ELK1: variants seen among roughly 807,000 people sequenced by gnomAD.
ELK1 encodes the protein ETS domain-containing protein Elk-1.
For synonymous variants in ELK1, 163 were observed against 176.3 expected, an observed-to-expected ratio of 0.92 and a Z score of 0.60; for missense variants, 254 against 381.5, an observed-to-expected ratio of 0.67 and a Z score of 2.78.
At chrX:47,637,612 C>T in intron 5 of ELK1, 139 bp downstream of exon 5, 2 of 807,836 alleles carry the variant, frequency 2.5e-6, no homozygotes, top group Non-Finnish European at 1.7e-6. Context: ...CAGCATCAGC[C>T]CAGTCAATCA....
rs768238348 is a variant in ELK1, at chrX:47,641,468, A to C, written c.-27T>G. Reference sequence around the variant, plus strand: ...GCTGGGGGAGTGCTCACGCCATCCCAGGGGTACCTGGAGAGCAAACAGCTG... The same window carrying C: ...GCTGGGGGAGTGCTCACGCCATCCCCGGGGTACCTGGAGAGCAAACAGCTG... On this transcript the variant is annotated 5_prime_UTR_variant, in exon 3 of 7. Coordinates refer to ENST00000376983, the MANE Select transcript of ELK1 (RefSeq NM_001114123.3). 28 of 1,190,987 alleles carry C rather than the reference A, an allele frequency of 2.4e-5. No homozygotes were observed. Among genetic ancestry groups the C allele is most frequent in the Non-Finnish European group, 3.1e-5 (27 of 883,387 alleles).
intron 2 of ELK1, chrX:47,649,225 G>A (rs1372799729): frequency 1.8e-5 from 2 of 111,334 alleles, no homozygotes; most frequent in African/African-American, 6.5e-5. Context: ...CATCACTGGC[G>A]CTAATGTATT....
intron 2 of ELK1, among the ~76,000 whole-genome samples, chrX:47,648,097 AAG>A (rs912812383): frequency 7.2e-5 from 8 of 111,501 alleles, no homozygotes; most frequent in African/African-American, 2.3e-4. Flanking sequence ...CTGTGCCTTT[AAG>A]AGAGTGTATT....
At chrX:47,643,145 A>T (rs764518405) in intron 2 of ELK1, among the ~76,000 whole-genome samples, 1 of 108,143 alleles carries the variant, frequency 9.2e-6, no homozygotes, top group Admixed American at 9.8e-5. Context: ...CTGTTCTTGA[A>T]CTCCTGGGCT....
At chrX:47,649,667 T>C (rs1202800722) in intron 2 of ELK1, among the ~76,000 whole-genome samples, 3 of 109,637 alleles carry the variant, frequency 2.7e-5, no homozygotes, top group African/African-American at 6.7e-5. Context: ...CTACTGAAAA[T>C]AGGGAGATGT....
chrX:47,636,338 T>C lies in ELK1; in HGVS notation c.*491A>G, dbSNP rs1428152272. 2 of 113,018 alleles carry C rather than the reference T, an allele frequency of 1.8e-5. No individual in the cohort carries two copies. The highest frequency in any genetic ancestry group is 3.7e-5 in the Non-Finnish European group (2 of 53,948). 9.3% of individuals were successfully genotyped at this position (113,018 alleles called of 1,213,427 possible). ...CTGGACCCCTGAGTATGGCCAGGAA[T>C]AATAAAACAAAACAAACTAACTCTT... is the stretch of plus-strand genomic sequence containing the variant. On this transcript the variant is annotated 3_prime_UTR_variant, in exon 7 of 7. Transcript: ENST00000376983.
chrX:47,639,086 G>A lies in ELK1; in HGVS notation c.463C>T (p.Arg155Cys), dbSNP rs2058020026. ...LARSSRNEYM[R>C]SGLYSTFTIQ... ...GTGAAGGTGGAATAGAGGCCCGAGC[G>A]CATGTACTCGTTCCGGCTGCTGCGT... Residue 155 changes from arginine to cysteine, a missense_variant, in exon 4 of 7, where the codon CGC becomes TGC. Transcript: ENST00000376983. The A allele has an allele frequency of 8.3e-7, 1 of 1,200,939 alleles. No individual in the cohort carries two copies. Among genetic ancestry groups the A allele is most frequent in the South Asian group, 1.8e-5 (1 of 55,349 alleles).
intron 4 of ELK1, among the ~76,000 whole-genome samples, chrX:47,638,670 T>C (rs1335322042): frequency 8.9e-6 from 1 of 111,965 alleles, no homozygotes; most frequent in African/African-American, 3.2e-5. Flanking sequence ...GGCACCTACA[T>C]GTTCGGCAGC....
chrX:47,650,543 G>T lies in ELK1; in HGVS notation c.-261C>A, dbSNP rs764284823. Reference sequence around the variant, plus strand: ...AGGCGGCGGTGGAGGTGGTGGTGGCGGTGGCGGCGGCAGCACCTAGAAGCC... The same window carrying T: ...AGGCGGCGGTGGAGGTGGTGGTGGCTGTGGCGGCGGCAGCACCTAGAAGCC... On this transcript the variant is annotated 5_prime_UTR_variant, in exon 1 of 7. Transcript: ENST00000376983. 3 of 323,064 alleles carry T rather than the reference G, an allele frequency of 9.3e-6. No individual in the cohort carries two copies. Among genetic ancestry groups the T allele is most frequent in the African/African-American group, 8.4e-5 (3 of 35,662 alleles). The allele number at this position is 323,064 out of a possible 1,213,427, so 26.6% of individuals were successfully genotyped here. A position where few individuals can be genotyped will look rare whatever the true frequency, so the allele number is the denominator to read the frequency against.
At chrX:47,638,864 T>A (rs757097255) in intron 4 of ELK1, 31 bp downstream of exon 4, 98 of 1,178,602 alleles carry the variant, frequency 8.3e-5, no homozygotes, top group Non-Finnish European at 1.0e-4. Flanking sequence ...TACTGCCTCC[T>A]CTTACTGAAT....
chrX:47,641,197 G>C (rs990487508), intron 3 of ELK1, 35 bp downstream of exon 3: 1 of 1,144,263 alleles, frequency 8.7e-7, no homozygotes, highest in East Asian at 3.0e-5. Flanking sequence ...ATAAATGTCA[G>C]GGGGGGGTTC....
In ELK1 at chrX:47,638,071, C is replaced by G. The variant is rs1569338633; in HGVS notation, c.766G>C (p.Glu256Gln). 8.3e-7 allele frequency: 1 copy of G among 1,211,699 alleles called. No homozygotes were observed. The highest frequency in any genetic ancestry group is 1.1e-6 in the Non-Finnish European group (1 of 895,507). The change falls in exon 5 of 7, where the codon GAG becomes CAG. Residue 256 changes from glutamate to glutamine, a missense_variant. Transcript: ENST00000376983. ...PEVKVEGPKEELEVAGERGFV... is the reference protein window; with the variant it reads ...PEVKVEGPKEQLEVAGERGFV... ...CCTCTCTCCCCCGCAACTTCCAACT[C>G]TTCCTTGGGCCCTTCTACTTTCACT...
Position 47,641,481 on chromosome X carries a change from G to A in ELK1, c.-34-6C>T, listed in dbSNP as rs751862358. The A allele has an allele frequency of 5.5e-5, 64 of 1,166,738 alleles. No homozygotes were observed. The highest frequency in any genetic ancestry group is 5.8e-5 in the Non-Finnish European group (50 of 864,591). On this transcript the variant is annotated splice_polypyrimidine_tract_variant and splice_region_variant and intron_variant, in intron 2 of 6. Transcript: ENST00000376983. ...TCACGCCATCCCAGGGGTACCTGGAGAGCAAACAGCTGAGTTGAGAGGCTG... is the reference window on the plus strand; with the variant it reads ...TCACGCCATCCCAGGGGTACCTGGAAAGCAAACAGCTGAGTTGAGAGGCTG...
intron 2 of ELK1, among the ~76,000 whole-genome samples, chrX:47,645,901 A>AT (rs1160079792): frequency 8.9e-6 from 1 of 111,738 alleles, no homozygotes; most frequent in Non-Finnish European, 1.9e-5. Context: ...CTTCAGCCTT[A>AT]TGTTCCTCTG....
intron 1 of ELK1, 75 bp downstream of exon 1, chrX:47,650,348 C>T (rs2147947005): frequency 3.9e-6 from 1 of 254,355 alleles, no homozygotes; most frequent in Non-Finnish European, 7.4e-6. Context: ...GGCCAAGCCA[C>T]ATCCTCTGCG....
Position 47,639,078 on chromosome X carries a change from G to A in ELK1, c.471C>T (p.Gly157=). The stretch of plus-strand genomic sequence containing the variant: ...ACTGGATGGTGAAGGTGGAATAGAG[G>A]CCCGAGCGCATGTACTCGTTCCGGC... ...RSSRNEYMRS[G]LYSTFTIQSL... is the part of the protein sequence containing the mutation. The change falls in exon 4 of 7, where the codon GGC becomes GGT. Residue 157 remains glycine (G), a synonymous_variant. Coordinates refer to ENST00000376983, the MANE Select transcript of ELK1 (RefSeq NM_001114123.3). The A allele has an allele frequency of 8.3e-7, 1 of 1,200,984 alleles. No individual in the cohort carries two copies. Among genetic ancestry groups the A allele is most frequent in the Non-Finnish European group, 1.1e-6 (1 of 890,483 alleles).
At chrX:47,650,395 C>A (rs1438795419) in intron 1 of ELK1, 28 bp downstream of exon 1, 1 of 317,406 alleles carries the variant, frequency 3.2e-6, no homozygotes, top group Non-Finnish European at 6.1e-6. Context: ...ACGGACTGGG[C>A]CCTCCACCCT....
intron 2 of ELK1, among the ~76,000 whole-genome samples, chrX:47,647,361 C>T (rs1019295520): frequency 1.4e-4 from 15 of 110,874 alleles, no homozygotes; most frequent in African/African-American, 3.9e-4. Flanking sequence ...GGGGTTTCAC[C>T]GTGATGCCCA....
intron 3 of ELK1, 30 bp downstream of exon 3, chrX:47,641,202 G>T (rs1287941073): frequency 1.7e-6 from 2 of 1,194,043 alleles, no homozygotes; most frequent in Non-Finnish European, 2.3e-6. Context: ...TGTCAGGGGG[G>T]GGTTCCAGCC....
Sources: gnomAD v4.1 joint callset for allele counts (sites outside exome capture counted in the v4.1 genomes callset) on GRCh38, gnomAD v4.1.1 for gene constraint, MANE v1.5 for transcripts, NCBI Gene and HGNC (gene_info 2026-07-23, HGNC 2026-07-21) for gene names.